Variants in MON1B observed in about 807,000 individuals in gnomAD.
MON1B encodes MON1 vesicular trafficking associated B.
A neutral mutation model predicts 45.1 loss-of-function variants in MON1B; 26 were observed. The ratio of observed to expected loss-of-function variants is 0.58; its 90% CI spans 0.42 to 0.80. The LOEUF is 0.80. Among genes scored for constraint, MON1B ranks in the 30% least tolerant of loss-of-function variants. The probability of loss-of-function intolerance (pLI) is 0.00; values close to 1 mark genes in which losing one functional copy is unlikely to be tolerated. For missense variants in MON1B, 737 were observed against 754.5 expected (o/e 0.98, Z 0.27); for synonymous variants, 395 against 320.2 (o/e 1.23, Z -2.49).
chr16:77,200,900 A>C lies in MON1B; in HGVS notation c.*2592A>C, dbSNP rs2054735105. The C allele has an allele frequency of 6.6e-6, 1 of 152,206 alleles. No homozygotes were observed. The highest frequency in any genetic ancestry group is 2.4e-5 in the African/African-American group (1 of 41,444). The allele number at this position is 152,206 out of a possible 1,614,324, so 9.4% of individuals were successfully genotyped here. ...TAAACAAAGCCCATGTGTACCTATC[A>C]GTATGCTTTAACTGTTGTCACCTTT... On this transcript the variant is annotated 3_prime_UTR_variant, in exon 6 of 6. Coordinates refer to ENST00000248248, the MANE Select transcript of MON1B (RefSeq NM_014940.4).
In MON1B at chr16:77,201,345, C is replaced by T. The variant is rs958199022; in HGVS notation, c.*3037C>T. 2 of 152,146 alleles carry T rather than the reference C, an allele frequency of 1.3e-5. No homozygotes were observed. Among genetic ancestry groups the T allele is most frequent in the African/African-American group, 4.8e-5 (2 of 41,436 alleles). The allele number at this position is 152,146 out of a possible 1,614,324, so 9.4% of individuals were successfully genotyped here. On this transcript the variant is annotated 3_prime_UTR_variant, in exon 6 of 6. Transcript: ENST00000248248. ...AAAAAAAATTTTAGTATCAACCTTT[C>T]AAATTCCTCAAAATTAAAGTTATGA... is the stretch of plus-strand genomic sequence containing the variant.
intron 1 of MON1B, 92 bp from the exon 2 acceptor site, chr16:77,191,384 C>A: frequency 1.3e-6 from 2 of 1,583,664 alleles, no homozygotes; most frequent in Non-Finnish European, 1.7e-6. Context: ...GGGAAATGAG[C>A]AGTAGGAGTG....
Position 77,202,369 on chromosome 16 carries a change from A to G in MON1B, c.*4061A>G, listed in dbSNP as rs369620687. On this transcript the variant is annotated 3_prime_UTR_variant, in exon 6 of 6. Transcript: ENST00000248248. ...TTTACAACTTTTGTGTACATCTGCA[A>G]TTGTTTCAAAATAAAATGTTTAAAA... 12 of 152,324 alleles carry G rather than the reference A, an allele frequency of 7.9e-5. No homozygotes were observed. The highest frequency in any genetic ancestry group is 4.4e-5 in the Non-Finnish European group (3 of 68,016). The allele number at this position is 152,324 out of a possible 1,614,324, so 9.4% of individuals were successfully genotyped here.
chr16:77,194,199 C>T lies in MON1B; in HGVS notation c.476-136C>T. 2.5e-6 allele frequency: 2 copies of T among 808,178 alleles called. No homozygotes were observed. The highest frequency in any genetic ancestry group is 4.3e-6 in the Non-Finnish European group (2 of 469,818). The allele number at this position is 808,178 out of a possible 1,614,324, so 50.1% of individuals were successfully genotyped here. Reference sequence around the variant, plus strand: ...TCCTCCAGCTTGTCCTTACCCCAGTCCAGGTGCCCACAGAGTGAGCATGTG... The same window carrying T: ...TCCTCCAGCTTGTCCTTACCCCAGTTCAGGTGCCCACAGAGTGAGCATGTG... On this transcript the variant is annotated intron_variant, in intron 3 of 5. Transcript: ENST00000248248. The surrounding 1 kb of genome is among the most constrained non-coding windows in gnomAD (Gnocchi z 8.1).
At chr16:77,191,418 A>G (rs2054613286) in intron 1 of MON1B, 58 bp from the exon 2 acceptor site, 11 of 1,576,412 alleles carry the variant, frequency 7.0e-6, no homozygotes, top group Non-Finnish European at 9.5e-6. Flanking sequence ...CTGACTCTAT[A>G]AAGGCTTTTC....
chr16:77,195,629 C>A lies in MON1B; in HGVS notation c.1390C>A (p.Arg464=), dbSNP rs555921616. The A allele has an allele frequency of 6.8e-6, 11 of 1,614,150 alleles. No homozygotes were observed. The highest frequency in any genetic ancestry group is 6.7e-5 in the East Asian group (3 of 44,868). The change falls in exon 5 of 6, where the codon CGA becomes AGA. Residue 464 remains arginine (R), a synonymous_variant. Coordinates refer to ENST00000248248, the MANE Select transcript of MON1B (RefSeq NM_014940.4). The stretch of plus-strand genomic sequence containing the variant: ...GCATGCTCGTCTCCACAGCACCTCC[C>A]GACCCCTGCGCCTCATTTACCACGT... The part of the protein sequence containing the change: ...RLHARLHSTS[R]PLRLIYHVAE...
Position 77,199,813 on chromosome 16 carries a change from C to T in MON1B, c.*1505C>T, listed in dbSNP as rs902658503. The T allele has an allele frequency of 2.6e-5, 7 of 274,420 alleles. No homozygotes were observed. Among genetic ancestry groups the T allele is most frequent in the Non-Finnish European group, 4.8e-5 (7 of 147,226 alleles). 17.0% of individuals were successfully genotyped at this position (274,420 alleles called of 1,614,324 possible). A position where few individuals can be genotyped will look rare whatever the true frequency, so the allele number is the denominator to read the frequency against. On this transcript the variant is annotated 3_prime_UTR_variant, in exon 6 of 6. Transcript: ENST00000248248. ...AAAAGTGGGGCGGTGGGGATGTTCT[C>T]ATAACAATCACCGTGCTGCAGCCAC...
Position 77,200,235 on chromosome 16 carries a change from T to C in MON1B, c.*1927T>C, listed in dbSNP as rs559265049. Reference sequence around the variant, plus strand: ...ATATGTATGTATGTATGTGTGTGTATATATATATATATGTATATGTGTATA... The same window carrying C: ...ATATGTATGTATGTATGTGTGTGTACATATATATATATGTATATGTGTATA... On this transcript the variant is annotated 3_prime_UTR_variant, in exon 6 of 6. Coordinates refer to ENST00000248248, the MANE Select transcript of MON1B (RefSeq NM_014940.4). 5.9e-5 allele frequency: 7 copies of C among 118,710 alleles called. No homozygotes were observed. The highest frequency in any genetic ancestry group is 4.1e-4 in the Admixed American group (5 of 12,342). 7.4% of individuals were successfully genotyped at this position (118,710 alleles called of 1,614,324 possible).
rs1446971948 is a variant in MON1B at position 77,191,491 on chromosome 16, G to A, written c.6G>A (p.Glu2=). The A allele has an allele frequency of 1.9e-6, 3 of 1,602,570 alleles. No individual in the cohort carries two copies. The highest frequency in any genetic ancestry group is 2.2e-5 in the East Asian group (1 of 44,778). The change falls in exon 2 of 6, where the codon GAG becomes GAA. Residue 2 remains glutamate (E), a synonymous_variant. Transcript: ENST00000248248. M[E]VGGDTAAPAP... Reference sequence around the variant, plus strand: ...TCCCACTCAGGGATGTGCAGATGGAGGTCGGAGGAGACACTGCTGCCCCGG... The same window carrying A: ...TCCCACTCAGGGATGTGCAGATGGAAGTCGGAGGAGACACTGCTGCCCCGG...
chr16:77,201,410 A>G lies in MON1B; in HGVS notation c.*3102A>G, dbSNP rs1161616796. ...AAAGGAAAAATTGAAGGATGTATCA[A>G]GTTGCCATTTCTAGCCCATCAAATC... On this transcript the variant is annotated 3_prime_UTR_variant, in exon 6 of 6. Transcript: ENST00000248248. The G allele has an allele frequency of 2.0e-5, 3 of 152,362 alleles. No homozygotes were observed. Among genetic ancestry groups the G allele is most frequent in the African/African-American group, 4.8e-5 (2 of 41,578 alleles). The allele number at this position is 152,362 out of a possible 1,614,324, so 9.4% of individuals were successfully genotyped here.
Position 77,193,900 on chromosome 16 carries a change from C to A in MON1B, c.475+123C>A. 1.0e-6 allele frequency: 1 copy of A among 998,156 alleles called. No homozygotes were observed. The highest frequency in any genetic ancestry group is 1.4e-6 in the Non-Finnish European group (1 of 693,648). 61.8% of individuals were successfully genotyped at this position (998,156 alleles called of 1,614,324 possible). ...GGTTGGGTCCATGTGTGTGGATGGTCAGCCAGAGCTCTGTCAGTGGCGGGA... is the reference window on the plus strand; with the variant it reads ...GGTTGGGTCCATGTGTGTGGATGGTAAGCCAGAGCTCTGTCAGTGGCGGGA... On this transcript the variant is annotated intron_variant, in intron 3 of 5. Coordinates refer to ENST00000248248, the MANE Select transcript of MON1B (RefSeq NM_014940.4). This position sits in a 1 kb window ranked among gnomAD's most constrained non-coding sequence, Gnocchi z 5.0.
rs1361646282 is a variant in MON1B, at chr16:77,193,863, C to G, written c.475+86C>G. Reference sequence around the variant, plus strand: ...TAGGTCTGTCTGCCTCAGGCACTATCCAGCCAGCCAGGGTTGGGTCCATGT... The same window carrying G: ...TAGGTCTGTCTGCCTCAGGCACTATGCAGCCAGCCAGGGTTGGGTCCATGT... On this transcript the variant is annotated intron_variant, in intron 3 of 5. Transcript: ENST00000248248. This position sits in a 1 kb window ranked among gnomAD's most constrained non-coding sequence, Gnocchi z 5.0. 2 of 1,383,552 alleles carry G rather than the reference C, an allele frequency of 1.4e-6. No homozygotes were observed. The highest frequency in any genetic ancestry group is 2.0e-6 in the Non-Finnish European group (2 of 1,022,036). The allele number at this position is 1,383,552 out of a possible 1,614,324, so 85.7% of individuals were successfully genotyped here. A position where few individuals can be genotyped will look rare whatever the true frequency, so the allele number is the denominator to read the frequency against.
At position 77,194,277 on chromosome 16, in the gene MON1B, T is replaced by A. The variant is rs573384616; in HGVS notation, c.476-58T>A. On this transcript the variant is annotated intron_variant, in intron 3 of 5. Transcript: ENST00000248248. The surrounding 1 kb of genome is among the most constrained non-coding windows in gnomAD (Gnocchi z 8.1). ...GAGAGGGCAGAAGAGCCCCACTGTC[T>A]CCCTCTGGTCATTCCTGATCCAGCT... The A allele has an allele frequency of 2.1e-5, 30 of 1,458,884 alleles. No homozygotes were observed. The highest frequency in any genetic ancestry group is 2.8e-5 in the Non-Finnish European group (30 of 1,052,882). The allele number at this position is 1,458,884 out of a possible 1,614,324, so 90.4% of individuals were successfully genotyped here.
At chr16:77,195,716 C>T in intron 5 of MON1B, 34 bp downstream of exon 5, 1 of 1,610,432 alleles carries the variant, frequency 6.2e-7, no homozygotes. Context: ...GAATTAATTC[C>T]CCACTTCAAG....
At position 77,194,927 on chromosome 16, in the gene MON1B, A is replaced by G; in HGVS notation, c.1068A>G (p.Gln356=). The stretch of plus-strand genomic sequence containing the variant: ...TCTGCCTGCTGCTGCTTGGCACCCA[A>G]CGTGAAGCCTTCCATGCCATGGCCG... ...MPVCLLLLGT[Q]REAFHAMAAC... Residue 356 remains glutamine (Q), a synonymous_variant, in exon 4 of 6, where the codon CAA becomes CAG. Coordinates refer to ENST00000248248, the MANE Select transcript of MON1B (RefSeq NM_014940.4). This position sits in a 1 kb window ranked among gnomAD's most constrained non-coding sequence, Gnocchi z 8.1. The G allele has an allele frequency of 1.9e-6, 3 of 1,613,654 alleles. No homozygotes were observed. The highest frequency in any genetic ancestry group is 2.5e-6 in the Non-Finnish European group (3 of 1,179,982).
chr16:77,191,759 C>A (rs944514772), intron 2 of MON1B, 126 bp downstream of exon 2: 1 of 1,122,606 alleles, frequency 8.9e-7, no homozygotes, highest in East Asian at 2.7e-5. Context: ...AAACCATCGC[C>A]GGGTCAGGAG....
In MON1B at chr16:77,198,187, T is replaced by A; in HGVS notation, c.1523T>A (p.Leu508His). Residue 508 changes from leucine (L) to histidine (H), a missense_variant, in exon 6 of 6, where the codon CTC becomes CAC. Coordinates refer to ENST00000248248, the MANE Select transcript of MON1B (RefSeq NM_014940.4). Reference protein sequence around the residue: ...KAGAILVVTKLLRWVKKEEDR... With the variant: ...KAGAILVVTKHLRWVKKEEDR... ...GGTGCAATCTTGGTAGTGACCAAAC[T>A]CCTGCGCTGGGTGAAGAAAGAGGAG... 1 of 1,614,050 alleles carries A rather than the reference T, an allele frequency of 6.2e-7. No homozygotes were observed. Among genetic ancestry groups the A allele is most frequent in the South Asian group, 1.1e-5 (1 of 91,080 alleles).
chr16:77,193,943 C>A lies in MON1B; in HGVS notation c.475+166C>A. On this transcript the variant is annotated intron_variant, in intron 3 of 5. Transcript: ENST00000248248. This position sits in a 1 kb window ranked among gnomAD's most constrained non-coding sequence, Gnocchi z 5.0. ...TGGCGGGAGGTGGGGGGGTTCATCT[C>A]TGTCTGGCCTGCTGGTTTCTTAGTG... The A allele has an allele frequency of 5.9e-6, 4 of 672,548 alleles. No individual in the cohort carries two copies. Among genetic ancestry groups the A allele is most frequent in the South Asian group, 1.9e-5 (1 of 51,908 alleles). The allele number at this position is 672,548 out of a possible 1,614,324, so 41.7% of individuals were successfully genotyped here.
chr16:77,195,283 C>CT, intron 4 of MON1B, 129 bp downstream of exon 4: 3 of 1,078,410 alleles, frequency 2.8e-6, no homozygotes, highest in Non-Finnish European at 3.9e-6. Context: ...GAACAAGTCT[C>CT]TGTCTGATGA....
Sources: gnomAD v4.1 joint callset for allele counts on GRCh38, gnomAD v4.1.1 for gene constraint, Gnocchi (gnomAD v3.1) non-coding constraint, MANE v1.5 for transcripts, NCBI Gene and HGNC (gene_info 2026-07-23, HGNC 2026-07-21) for gene names.